MBP: variants seen among roughly 807,000 people sequenced by gnomAD.
MBP encodes the protein Golli-MBP.
A neutral mutation model predicts 35.8 loss-of-function variants in MBP; 16 were observed. That is an observed-to-expected ratio of 0.45 (90% CI 0.30 to 0.68). The LOEUF is 0.68. Ranked by LOEUF, MBP falls within the 30% of genes least tolerant of loss-of-function variation. The pLI is 0.08. For synonymous variants in MBP, 143 were observed against 159.6 expected, an observed-to-expected ratio of 0.90 and a Z score of 0.78; for missense variants, 380 against 404.7, an observed-to-expected ratio of 0.94 and a Z score of 0.52.
chr18:77,132,335 C>G (rs1977310965), intron 1 of MBP, among the ~76,000 whole-genome samples: 1 of 152,198 alleles, frequency 6.6e-6, no homozygotes, highest in Admixed American at 6.5e-5. Flanking sequence ...GGGTTCGGGT[C>G]AGGGAGGCCG....
chr18:77,089,085 C>A (rs574860108), intron 2 of MBP, among the ~76,000 whole-genome samples: 3 of 152,248 alleles, frequency 2.0e-5, no homozygotes, highest in Non-Finnish European at 4.4e-5. Flanking sequence ...CCTGTCACAT[C>A]CTCCCACGGG....
At chr18:76,987,712 A>T (rs1454974281) in intron 7 of MBP, 1 of 995,166 alleles carries the variant, frequency 1.0e-6, no homozygotes, top group African/African-American at 1.7e-5. Flanking sequence ...GTTGGTGGTT[A>T]TTCCTCCATT....
chr18:76,989,860 C>A lies in MBP; in HGVS notation c.681+96G>T. The stretch of plus-strand genomic sequence containing the variant: ...ACCCTGATGATGACCCCGGTGCCAC[C>A]CCCGAGCGTACGAACGTCCTGTGTG... On this transcript the variant is annotated intron_variant, in intron 5 of 8. Transcript: ENST00000355994. This position sits in a 1 kb window ranked among gnomAD's most constrained non-coding sequence, Gnocchi z 4.0. 24 of 1,078,040 alleles carry A rather than the reference C, an allele frequency of 2.2e-5. No individual in the cohort carries two copies. The highest frequency in any genetic ancestry group is 3.0e-4 in the Middle Eastern group (1 of 3,362). 66.8% of individuals were successfully genotyped at this position (1,078,040 alleles called of 1,614,324 possible). A position where few individuals can be genotyped will look rare whatever the true frequency, so the allele number is the denominator to read the frequency against.
At chr18:77,028,411 C>A (rs1388862309) in intron 3 of MBP, among the ~76,000 whole-genome samples, 1 of 115,828 alleles carries the variant, frequency 8.6e-6, no homozygotes, top group Non-Finnish European at 2.1e-5. Flanking sequence ...GACACGGCAA[C>A]CATCCGATTT....
At chr18:77,096,575 A>G (rs1045064088) in intron 2 of MBP, among the ~76,000 whole-genome samples, 1 of 152,248 alleles carries the variant, frequency 6.6e-6, no homozygotes, top group Admixed American at 6.5e-5. Context: ...TAAGTGTGGT[A>G]TCTTTTTTCT....
intron 1 of MBP, among the ~76,000 whole-genome samples, chr18:77,126,989 T>C (rs1228637876): frequency 6.6e-6 from 1 of 152,240 alleles, no homozygotes; most frequent in Non-Finnish European, 1.5e-5. Context: ...AAGAAATTCC[T>C]ATCAAAATCC....
intron 2 of MBP, among the ~76,000 whole-genome samples, chr18:77,104,185 C>T (rs977907331): frequency 6.6e-6 from 1 of 152,158 alleles, no homozygotes; most frequent in Non-Finnish European, 1.5e-5. Context: ...GGGTGATGAT[C>T]CAGTCAATAG....
intron 2 of MBP, among the ~76,000 whole-genome samples, chr18:77,081,763 TATATACAC>T (rs1348096956): frequency 0.059 from 6,903 of 116,262 alleles, 247 homozygotes; most frequent in Middle Eastern, 0.11. Context: ...TATATATATA[TATATACAC>T]ACACACACAC....
At chr18:77,099,850 G>A (rs1975928062) in intron 2 of MBP, among the ~76,000 whole-genome samples, 1 of 152,224 alleles carries the variant, frequency 6.6e-6, no homozygotes, top group African/African-American at 2.4e-5. Context: ...CACAGGAAGG[G>A]CCCAACCAGG....
chr18:77,012,786 A>G (rs1407019132), intron 4 of MBP: 1 of 985,274 alleles, frequency 1.0e-6, no homozygotes, highest in African/African-American at 1.7e-5. Flanking sequence ...CAATTAGTAC[A>G]CTGTCCTTGG....
rs9944893 is a variant in MBP, at chr18:76,985,099, G to A, written c.751-205C>T. 5.3e-4 allele frequency: 798 copies of A among 1,519,664 alleles called. 2 individuals carry two copies. In the African/African-American group the frequency reaches 9.2e-3, roughly 17 times the overall value. The allele number at this position is 1,519,664 out of a possible 1,614,324, so 94.1% of individuals were successfully genotyped here. ...CCCCAGGTCTACCAGGGTGTTGGCC[G>A]CAGAGAGAGGAGGGCTCTGGTTTGG... On this transcript the variant is annotated intron_variant, in intron 7 of 8. Coordinates refer to ENST00000355994, the MANE Select transcript of MBP (RefSeq NM_001025101.2).
intron 2 of MBP, among the ~76,000 whole-genome samples, chr18:77,080,846 C>A (rs946487644): frequency 2.0e-5 from 3 of 152,058 alleles, no homozygotes; most frequent in African/African-American, 4.8e-5. Context: ...CCACGCCCAG[C>A]TAACTGTTGT....
At chr18:77,071,791 C>A (rs186927977) in intron 2 of MBP, among the ~76,000 whole-genome samples, 37 of 152,244 alleles carry the variant, frequency 2.4e-4, no homozygotes, top group Non-Finnish European at 4.4e-4. Flanking sequence ...GCTAGAGAAG[C>A]AAGCCCAGAA....
chr18:77,073,443 T>C (rs953955008), intron 2 of MBP, among the ~76,000 whole-genome samples: 7 of 152,180 alleles, frequency 4.6e-5, no homozygotes, highest in Non-Finnish European at 8.8e-5. Context: ...CATTTTGACA[T>C]GAGTTCCCTA....
intron 2 of MBP, among the ~76,000 whole-genome samples, chr18:77,091,246 A>G (rs1017803563): frequency 4.6e-5 from 7 of 152,194 alleles, no homozygotes; most frequent in Non-Finnish European, 8.8e-5. Flanking sequence ...TAATTACAAA[A>G]TTGCCTGACT....
At chr18:77,016,195 G>A in intron 4 of MBP, 1 of 976,804 alleles carries the variant, frequency 1.0e-6, no homozygotes, top group Non-Finnish European at 1.2e-6. Flanking sequence ...ATTTGCTTTT[G>A]AATAAAGAAA....
rs908284190 is a variant in MBP at position 76,989,915 on chromosome 18, C to T, written c.681+41G>A. The T allele has an allele frequency of 3.3e-6, 5 of 1,525,566 alleles. No individual in the cohort carries two copies. The highest frequency in any genetic ancestry group is 4.5e-6 in the Non-Finnish European group (5 of 1,101,534). 94.5% of individuals were successfully genotyped at this position (1,525,566 alleles called of 1,614,324 possible). On this transcript the variant is annotated intron_variant, in intron 5 of 8. Transcript: ENST00000355994. The surrounding 1 kb of genome is among the most constrained non-coding windows in gnomAD (Gnocchi z 4.0). The stretch of plus-strand genomic sequence containing the variant: ...ACAGCAGTGGCCAGCACCCCTCCTC[C>T]CCCTCACAGTTGCTACCTCTTCCCA...
At chr18:77,041,894 G>T (rs368446079) in intron 3 of MBP, among the ~76,000 whole-genome samples, 5 of 151,076 alleles carry the variant, frequency 3.3e-5, no homozygotes, top group Non-Finnish European at 5.9e-5. Flanking sequence ...AAACCTGCAC[G>T]TTGTGCACAT....
intron 4 of MBP, chr18:77,015,856 C>A (rs770523788): frequency 1.4e-5 from 14 of 985,316 alleles, no homozygotes; most frequent in South Asian, 4.7e-5. Flanking sequence ...ATTCAAAAGC[C>A]TTTTACGCTC....
Sources: allele counts gnomAD v4.1 joint callset (sites outside exome capture counted in the v4.1 genomes callset), GRCh38; gene constraint gnomAD v4.1.1; non-coding constraint Gnocchi (gnomAD v3.1); transcripts MANE v1.5; gene names NCBI Gene and HGNC (gene_info 2026-07-23, HGNC 2026-07-21).